The following PTGFRN variants were observed in gnomAD, a reference collection of about 807,000 sequenced individuals.
The protein encoded by PTGFRN is prostaglandin F2 receptor inhibitor.
Under a neutral mutation model 83.2 loss-of-function variants are expected in PTGFRN, and 35 were observed. The observed-to-expected ratio is 0.42, with a 90% CI of 0.32 to 0.56. PTGFRN has a LOEUF of 0.56. Among genes scored for constraint, PTGFRN ranks in the 20% least tolerant of loss-of-function variants. The pLI is 0.11. For missense variants in PTGFRN, 1,051 were observed against 1,179.5 expected, an observed-to-expected ratio of 0.89 and a Z score of 1.60; for synonymous variants, 519 against 498.6, an observed-to-expected ratio of 1.04 and a Z score of -0.55.
intron 6 of PTGFRN, among the ~76,000 whole-genome samples, chr1:116,969,404 T>C (rs1306663595): frequency 6.6e-6 from 1 of 152,198 alleles, no homozygotes; most frequent in African/African-American, 2.4e-5. Context: ...AAAAATAATT[T>C]AATCATAAAT....
rs1236510459 is a variant in PTGFRN at position 116,986,908 on chromosome 1, A to G, written c.2581A>G (p.Lys861Glu). Residue 861 changes from lysine to glutamate, a missense_variant, in exon 9 of 9, where the codon AAG becomes GAG. Physicochemically the swap from Lys to Glu is moderately conservative, Grantham distance 56. This residue lies in a region of PTGFRN where 719 missense variants were observed against 836.6 expected (regional missense o/e 0.86). Transcript: ENST00000393203. ...CTGCAGCTCCCACTGGTGTTGTAAG[A>G]AGGAGGTTCAGGAGACACGGCGCGA... ...GYCSSHWCCKKEVQETRRERR... is the reference protein window; with the variant it reads ...GYCSSHWCCKEEVQETRRERR... The G allele has an allele frequency of 1.9e-6, 3 of 1,614,200 alleles. No individual in the cohort carries two copies. The highest frequency in any genetic ancestry group is 1.1e-5 in the South Asian group (1 of 91,088).
intron 2 of PTGFRN, 23 bp from the exon 3 acceptor site, chr1:116,944,656 G>A (rs1650140272): frequency 7.1e-7 from 1 of 1,403,282 alleles, no homozygotes; most frequent in Non-Finnish European, 9.3e-7. Context: ...ACGGGCTACT[G>A]ACCTAGCTTT....
At chr1:116,935,277 A>G (rs1649893554) in intron 1 of PTGFRN, among the ~76,000 whole-genome samples, 1 of 152,126 alleles carries the variant, frequency 6.6e-6, no homozygotes, top group African/African-American at 2.4e-5. Context: ...AAGGTGCTGG[A>G]AGCTCTGAGT....
chr1:116,949,052 C>A, intron 3 of PTGFRN, 140 bp from the exon 4 acceptor site: 2 of 1,008,668 alleles, frequency 2.0e-6, no homozygotes, highest in Non-Finnish European at 2.8e-6. Flanking sequence ...AAATATTTCT[C>A]AAGCACTTAC....
chr1:116,924,122 C>T (rs1649598121), intron 1 of PTGFRN, among the ~76,000 whole-genome samples: 1 of 150,594 alleles, frequency 6.6e-6, no homozygotes, highest in South Asian at 2.1e-4. Context: ...CTACCTATGT[C>T]TCGTCTCTAC....
chr1:116,953,081 A>T (rs529621893), intron 4 of PTGFRN, among the ~76,000 whole-genome samples: 77 of 152,366 alleles, frequency 5.1e-4, no homozygotes, highest in African/African-American at 1.8e-3. Context: ...CTCTGCCCGA[A>T]GTACCAGACT....
chr1:116,986,508 A>G (rs1651490384), intron 8 of PTGFRN, among the ~76,000 whole-genome samples: 1 of 152,188 alleles, frequency 6.6e-6, no homozygotes. Context: ...TTTAAAAATC[A>G]ATCTTTTGCC....
intron 4 of PTGFRN, among the ~76,000 whole-genome samples, chr1:116,955,921 C>T (rs559020316): frequency 5.3e-5 from 8 of 152,056 alleles, no homozygotes; most frequent in East Asian, 1.9e-4. Flanking sequence ...TTGTTGAATA[C>T]GAAATAGGAG....
chr1:116,947,371 T>G (rs1650227429), intron 3 of PTGFRN, among the ~76,000 whole-genome samples: 2 of 152,232 alleles, frequency 1.3e-5, no homozygotes, highest in Admixed American at 1.3e-4. Context: ...CCACAGGCTT[T>G]GCCTGAGGTC....
At chr1:116,951,462 T>C (rs1376222225) in intron 4 of PTGFRN, among the ~76,000 whole-genome samples, 2 of 152,198 alleles carry the variant, frequency 1.3e-5, no homozygotes, top group Non-Finnish European at 2.9e-5. Context: ...CCCTGCTGCT[T>C]TGCATGTAAT....
In PTGFRN at chr1:116,910,234, C is replaced by T. The variant is rs1298106690; in HGVS notation, c.31C>T (p.Leu11=). The part of the protein sequence containing the change: MGRLASRPLL[L]ALLSLALCRG... Reference sequence around the variant, plus strand: ...GCGCCTGGCCTCGAGGCCGCTGCTGCTGGCGCTCCTGTCGTTGGGTGAGTG... The same window carrying T: ...GCGCCTGGCCTCGAGGCCGCTGCTGTTGGCGCTCCTGTCGTTGGGTGAGTG... Residue 11 remains leucine, a synonymous_variant, in exon 1 of 9, where the codon CTG becomes TTG. Coordinates refer to ENST00000393203, the MANE Select transcript of PTGFRN (RefSeq NM_020440.4). 6.9e-7 allele frequency: 1 copy of T among 1,455,952 alleles called. No individual in the cohort carries two copies. The highest frequency in any genetic ancestry group is 1.4e-5 in the South Asian group (1 of 72,228). 90.2% of individuals were successfully genotyped at this position (1,455,952 alleles called of 1,614,324 possible).
chr1:116,930,494 A>G (rs758322752), intron 1 of PTGFRN, among the ~76,000 whole-genome samples: 63 of 152,116 alleles, frequency 4.1e-4, no homozygotes, highest in Non-Finnish European at 4.4e-4. Context: ...GTTAGGCTCA[A>G]ATATCTTCTA....
At chr1:116,956,034 A>T (rs1164900055) in intron 4 of PTGFRN, among the ~76,000 whole-genome samples, 1 of 152,234 alleles carries the variant, frequency 6.6e-6, no homozygotes, top group South Asian at 2.1e-4. Context: ...AATCTCTGCA[A>T]ACCATTTTTA....
chr1:116,949,816 C>T (rs1650295997), intron 4 of PTGFRN, among the ~76,000 whole-genome samples: 1 of 152,112 alleles, frequency 6.6e-6, no homozygotes, highest in Admixed American at 6.5e-5. Flanking sequence ...TATATAGTTT[C>T]CTTTTGTTGT....
At chr1:116,915,933 A>G (rs896060659) in intron 1 of PTGFRN, among the ~76,000 whole-genome samples, 1 of 152,230 alleles carries the variant, frequency 6.6e-6, no homozygotes, top group African/African-American at 2.4e-5. Flanking sequence ...GAAGTGCTGC[A>G]GTTGGCACAG....
chr1:116,934,140 T>C (rs983570448), intron 1 of PTGFRN, among the ~76,000 whole-genome samples: 15 of 152,096 alleles, frequency 9.9e-5, no homozygotes, highest in African/African-American at 3.6e-4. Flanking sequence ...TTGTTTTGTT[T>C]TTGTGATTGT....
At chr1:116,936,913 T>C (rs1649934694) in intron 1 of PTGFRN, among the ~76,000 whole-genome samples, 1 of 152,080 alleles carries the variant, frequency 6.6e-6, no homozygotes, top group Non-Finnish European at 1.5e-5. Flanking sequence ...TACATTCTAC[T>C]GGGGAAAAAA....
intron 7 of PTGFRN, among the ~76,000 whole-genome samples, chr1:116,984,302 G>A (rs574484788): frequency 6.6e-6 from 1 of 152,064 alleles, no homozygotes; most frequent in Admixed American, 6.5e-5. Flanking sequence ...CAGTGTCCTG[G>A]CATACCAGCT....
intron 7 of PTGFRN, 55 bp from the exon 8 acceptor site, chr1:116,984,625 C>A: frequency 1.3e-6 from 2 of 1,547,414 alleles, no homozygotes; most frequent in Non-Finnish European, 1.8e-6. Context: ...TGTGGCCATA[C>A]ATATGACTTC....
Sources: allele counts gnomAD v4.1 joint callset (sites outside exome capture counted in the v4.1 genomes callset), GRCh38; gene constraint gnomAD v4.1.1; regional missense constraint gnomAD v4.1.1; transcripts MANE v1.5; gene names NCBI Gene and HGNC (gene_info 2026-07-23, HGNC 2026-07-21).